Variants in FYTTD1 observed in about 807,000 individuals in gnomAD.
The protein encoded by FYTTD1 is forty-two-three domain containing 1, also known as UAP56-interacting factor.
Under a neutral mutation model 40.9 loss-of-function variants are expected in FYTTD1, and 22 were observed. That is an observed-to-expected ratio of 0.54 (90% CI 0.38 to 0.77). The LOEUF is 0.77. Ranked by LOEUF, FYTTD1 falls within the 30% of genes least tolerant of loss-of-function variation. The pLI, the probability that FYTTD1 is intolerant of heterozygous loss-of-function variation, is 0.00. For synonymous variants in FYTTD1, 140 were observed against 137.9 expected (o/e 1.01, Z -0.10); for missense variants, 351 against 392.2 (o/e 0.90, Z 0.89).
chr3:197,766,372 G>A lies in FYTTD1; in HGVS notation c.236-2067G>A, dbSNP rs1453508224. 2.6e-5 allele frequency among the ~76,000 whole-genome samples: 4 copies of A among 151,234 alleles called. No homozygotes were observed. In the East Asian group the frequency reaches 7.8e-4, roughly 29 times the overall value. ...ATATTAAAAAGTAATGCGATAAAAG[G>A]ATGTCAAAAACATGGGATAATATTT... On this transcript the variant is annotated intron_variant, in intron 2 of 8. Coordinates refer to ENST00000241502, the MANE Select transcript of FYTTD1 (RefSeq NM_032288.7).
At chr3:197,781,768 A>G in intron 8 of FYTTD1, 43 bp from the exon 9 acceptor site, 1 of 1,397,066 alleles carries the variant, frequency 7.2e-7, no homozygotes, top group Non-Finnish European at 1.0e-6. Flanking sequence ...TAAAGTTGTT[A>G]ATTGTTGCTT....
chr3:197,767,072 C>CA (rs1729571851), intron 2 of FYTTD1, among the ~76,000 whole-genome samples: 3 of 149,928 alleles, frequency 2.0e-5, no homozygotes, highest in Admixed American at 2.0e-4. Flanking sequence ...TTTTAATTTA[C>CA]CCCCTTTTTT....
intron 3 of FYTTD1, 55 bp downstream of exon 3, chr3:197,768,642 C>T: frequency 2.8e-6 from 4 of 1,452,444 alleles, no homozygotes; most frequent in Non-Finnish European, 3.8e-6. Context: ...TTTGTACTAA[C>T]ATTTCTGTGA....
intron 2 of FYTTD1, among the ~76,000 whole-genome samples, chr3:197,764,239 T>TA (rs1729472846): frequency 6.6e-6 from 1 of 152,202 alleles, no homozygotes; most frequent in South Asian, 2.1e-4. Flanking sequence ...GTAAGACAGT[T>TA]ACAGAGCATA....
chr3:197,752,352 G>C (rs546527480), intron 1 of FYTTD1, among the ~76,000 whole-genome samples: 1 of 152,324 alleles, frequency 6.6e-6, no homozygotes, highest in Non-Finnish European at 1.5e-5. Flanking sequence ...ACAGTAAGTA[G>C]TGTTTACCAC....
intron 4 of FYTTD1, among the ~76,000 whole-genome samples, chr3:197,770,757 C>T (rs2109048621): frequency 6.6e-6 from 1 of 152,046 alleles, no homozygotes; most frequent in African/African-American, 2.4e-5. Context: ...ACCATGTTGT[C>T]CAGGCTGGTC....
At chr3:197,766,177 AAAG>A (rs200033333) in intron 2 of FYTTD1, among the ~76,000 whole-genome samples, 102,925 of 142,052 alleles carry the variant, frequency 0.72, 38,940 homozygotes, top group East Asian at 0.93. Context: ...AAAAAAAAAA[AAAG>A]AGTTTGCTTT....
chr3:197,777,209 C>T (rs1027562554), intron 7 of FYTTD1, among the ~76,000 whole-genome samples: 9 of 152,246 alleles, frequency 5.9e-5, no homozygotes, highest in African/African-American at 2.2e-4. Context: ...TAAATGACCA[C>T]GTTGGAACAG....
At chr3:197,779,909 CCA>C in intron 8 of FYTTD1, among the ~76,000 whole-genome samples, 1 of 149,330 alleles carries the variant, frequency 6.7e-6, no homozygotes, top group South Asian at 2.1e-4. Context: ...GCACACACCA[CCA>C]CACCTGGGGA....
At chr3:197,773,346 T>TC in intron 4 of FYTTD1, 57 bp from the exon 5 acceptor site, 1 of 1,051,334 alleles carries the variant, frequency 9.5e-7, no homozygotes. Context: ...TTATTTTTCC[T>TC]CAAGATGTTT....
chr3:197,777,554 TG>T (rs1729911154), intron 7 of FYTTD1, among the ~76,000 whole-genome samples: 1 of 152,162 alleles, frequency 6.6e-6, no homozygotes, highest in Admixed American at 6.5e-5. Flanking sequence ...TATATATTTT[TG>T]TGTACAATAA....
intron 1 of FYTTD1, 100 bp downstream of exon 1, chr3:197,750,174 G>T (rs1728961622): frequency 2.0e-6 from 2 of 989,296 alleles, no homozygotes; most frequent in South Asian, 1.9e-5. Context: ...AGCAGTTGCC[G>T]GCGGAGTTTT....
intron 2 of FYTTD1, among the ~76,000 whole-genome samples, chr3:197,764,752 GAAAA>G (rs373846539): frequency 7.2e-6 from 1 of 139,304 alleles, no homozygotes; most frequent in Non-Finnish European, 1.6e-5. Flanking sequence ...TTGGATAAGA[GAAAA>G]AAAAAACAGC....
At position 197,773,363 on chromosome 3, in the gene FYTTD1, A is replaced by G. The variant is rs369587196; in HGVS notation, c.498-40A>G. 3.3e-6 allele frequency: 4 copies of G among 1,199,746 alleles called. No homozygotes were observed. The African/African-American group carries it at 6.0e-5, about 18-fold the overall frequency. 74.3% of individuals were successfully genotyped at this position (1,199,746 alleles called of 1,614,324 possible). ...ATTTTTCCTCAAGATGTTTGAAAGT[A>G]GTTAAATGGCTTAGCATGGCCTATG... On this transcript the variant is annotated intron_variant, in intron 4 of 8. Transcript: ENST00000241502.
rs1209205904 is a variant in FYTTD1, at chr3:197,785,877, G to A, written c.*3968G>A. On this transcript the variant is annotated 3_prime_UTR_variant, in exon 9 of 9. Coordinates refer to ENST00000241502, the MANE Select transcript of FYTTD1 (RefSeq NM_032288.7). The stretch of plus-strand genomic sequence containing the variant: ...TTTGCCACTGTGAAAAAGCAGTTAA[G>A]CATGTAAAACTTCCCTTTAGAGAGG... The A allele has an allele frequency of 6.7e-6, 1 of 150,328 alleles. No individual in the cohort carries two copies. Among genetic ancestry groups the A allele is most frequent in the Non-Finnish European group, 1.5e-5 (1 of 67,766 alleles). The allele number at this position is 150,328 out of a possible 1,614,324, so 9.3% of individuals were successfully genotyped here. A position where few individuals can be genotyped will look rare whatever the true frequency, so the allele number is the denominator to read the frequency against.
intron 2 of FYTTD1, among the ~76,000 whole-genome samples, chr3:197,759,503 T>TGTGTGGAGTTGTTCCTCAGTGGTAGAAC (rs1729308201): frequency 1.3e-5 from 2 of 150,178 alleles, no homozygotes; most frequent in Admixed American, 1.3e-4. Context: ...AGTGGTAGAA[T>TGTGTGGAGTTGTTCCTCAGTGGTAGAAC]GTATGGAGTT....
chr3:197,758,995 G>A (rs1007944671), intron 2 of FYTTD1, among the ~76,000 whole-genome samples: 2 of 152,248 alleles, frequency 1.3e-5, no homozygotes, highest in African/African-American at 4.8e-5. Context: ...ATGTTCTTCA[G>A]TGGTAGAGCG....
chr3:197,750,323 GGCAGGGGCGCTGCGGGCCCGAAGGTTC>G (rs1398989277), intron 1 of FYTTD1: 266 of 1,153,558 alleles, frequency 2.3e-4, no homozygotes, highest in Non-Finnish European at 2.7e-4. Flanking sequence ...TGGAGGCGGG[GGCAGGGGCGCTGCGGGCCCGAAGGTTC>G]GCAGGGTCGC....
chr3:197,754,605 T>C (rs771911989), intron 1 of FYTTD1, among the ~76,000 whole-genome samples: 5 of 152,074 alleles, frequency 3.3e-5, no homozygotes, highest in Non-Finnish European at 7.4e-5. Flanking sequence ...GCTTTCTCAA[T>C]TATGAAATAA....
Sources: gnomAD v4.1 joint callset for allele counts (sites outside exome capture counted in the v4.1 genomes callset) on GRCh38, gnomAD v4.1.1 for gene constraint, MANE v1.5 for transcripts, NCBI Gene and HGNC (gene_info 2026-07-23, HGNC 2026-07-21) for gene names.